The following DPYD variants were observed in gnomAD, a reference collection of about 807,000 sequenced individuals.
DPYD encodes dihydropyrimidine dehydrogenase [NADP(+)].
A neutral mutation model predicts 116.2 loss-of-function variants in DPYD; 109 were observed. That is an observed-to-expected ratio of 0.94 (90% confidence interval 0.80 to 1.10). The LOEUF is 1.10. Ranked by LOEUF, DPYD falls within the 50% of genes least tolerant of loss-of-function variation. DPYD has a pLI of 0.00. For missense variants in DPYD, 1,302 were observed against 1,254.5 expected, an observed-to-expected ratio of 1.04 and a Z score of -0.57; for synonymous variants, 440 against 432.0, an observed-to-expected ratio of 1.02 and a Z score of -0.23.
At chr1:97,388,608 C>A (rs931089031) in intron 14 of DPYD, among the ~76,000 whole-genome samples, 2 of 152,016 alleles carry the variant, frequency 1.3e-5, no homozygotes, top group Non-Finnish European at 2.9e-5. Context: ...GAGACAAAAA[C>A]CATTCGTAAC....
intron 20 of DPYD, among the ~76,000 whole-genome samples, chr1:97,171,543 A>C (rs1447937444): frequency 1.3e-5 from 2 of 152,154 alleles, no homozygotes; most frequent in Admixed American, 6.6e-5. Context: ...CCAGGACCAG[A>C]ATGCTGCCTC....
chr1:97,828,399 C>T (rs1178261940), intron 2 of DPYD, among the ~76,000 whole-genome samples: 1 of 152,102 alleles, frequency 6.6e-6, no homozygotes, highest in Non-Finnish European at 1.5e-5. Flanking sequence ...ACAGCTGTCA[C>T]AGAAGTCTCA....
chr1:97,284,759 T>A (rs1245724147), intron 18 of DPYD, among the ~76,000 whole-genome samples: 1 of 152,198 alleles, frequency 6.6e-6, no homozygotes, highest in Non-Finnish European at 1.5e-5. Flanking sequence ...TGTCATATTT[T>A]TCTACATTTT....
chr1:97,136,320 T>G (rs1472483550), intron 20 of DPYD, among the ~76,000 whole-genome samples: 1 of 152,184 alleles, frequency 6.6e-6, no homozygotes, highest in Non-Finnish European at 1.5e-5. Flanking sequence ...GTTTCTTTTT[T>G]CCATATAGTC....
chr1:97,472,424 T>A lies in DPYD; in HGVS notation c.1741-22201A>T, dbSNP rs545364894. On this transcript the variant is annotated intron_variant, in intron 13 of 22. Coordinates refer to ENST00000370192, the MANE Select transcript of DPYD (RefSeq NM_000110.4). ...TCAGAGGCAACAACCTGAGAAAGAG[T>A]CCATACATGGTTCCAATTTTTAGTA... is the stretch of plus-strand genomic sequence containing the variant. 1.1e-4 allele frequency among the ~76,000 whole-genome samples: 16 copies of A among 152,316 alleles called. 1 individual carries two copies. Among genetic ancestry groups the A allele is most frequent in the African/African-American group, 3.6e-4 (15 of 41,566 alleles).
intron 2 of DPYD, among the ~76,000 whole-genome samples, chr1:97,833,451 A>T (rs1669626453): frequency 6.6e-6 from 1 of 152,114 alleles, no homozygotes; most frequent in Non-Finnish European, 1.5e-5. Context: ...TTACTTCCAA[A>T]CCTGTCTTTG....
chr1:97,482,423 A>C (rs567671259), intron 13 of DPYD, among the ~76,000 whole-genome samples: 1 of 152,294 alleles, frequency 6.6e-6, no homozygotes, highest in South Asian at 2.1e-4. Flanking sequence ...ACATCATTAG[A>C]TTATTAAGAA....
chr1:97,332,487 G>A (rs1214048150), intron 16 of DPYD, among the ~76,000 whole-genome samples: 1 of 152,184 alleles, frequency 6.6e-6, no homozygotes, highest in Non-Finnish European at 1.5e-5. Flanking sequence ...GGAATTCTGA[G>A]TTTGAAGGCT....
intron 2 of DPYD, among the ~76,000 whole-genome samples, chr1:97,880,876 C>G (rs1478584668): frequency 6.6e-6 from 1 of 151,914 alleles, no homozygotes; most frequent in Non-Finnish European, 1.5e-5. Flanking sequence ...ATCTTAATGA[C>G]TGCACAATAT....
chr1:97,285,435 C>A lies in DPYD; in HGVS notation c.2299+19824G>T, dbSNP rs146359251. 2.1e-3 allele frequency among the ~76,000 whole-genome samples: 326 copies of A among 152,182 alleles called. 2 individuals are homozygous for A. Among genetic ancestry groups the A allele is most frequent in the African/African-American group, 7.5e-3 (310 of 41,544 alleles). On this transcript the variant is annotated intron_variant, in intron 18 of 22. Transcript: ENST00000370192. ...ATCTATTCGTAGTTTAGAAAACAAA[C>A]ACAAAAAATAAAATCTGAACCACTT...
intron 2 of DPYD, among the ~76,000 whole-genome samples, chr1:97,838,726 T>C (rs1276314672): frequency 6.6e-6 from 1 of 152,084 alleles, no homozygotes; most frequent in Non-Finnish European, 1.5e-5. Flanking sequence ...GCGCCTGTAG[T>C]CCCAGGTACT....
intron 3 of DPYD, among the ~76,000 whole-genome samples, chr1:97,751,389 T>TGTGTATATATACATATATAC (rs1238277599): frequency 1.4e-5 from 2 of 144,006 alleles, no homozygotes; most frequent in Non-Finnish European, 1.5e-5. Flanking sequence ...TACATATATG[T>TGTGTATATATACATATATAC]GTGTATATAT....
intron 2 of DPYD, among the ~76,000 whole-genome samples, chr1:97,836,893 G>C (rs147344411): frequency 6.6e-6 from 1 of 151,980 alleles, no homozygotes; most frequent in Non-Finnish European, 1.5e-5. Context: ...TTATGGAATG[G>C]TTGGTACTAG....
intron 20 of DPYD, among the ~76,000 whole-genome samples, chr1:97,100,090 G>A (rs1650555185): frequency 6.6e-6 from 1 of 152,000 alleles, no homozygotes; most frequent in African/African-American, 2.4e-5. Flanking sequence ...ATATTTAATT[G>A]TTGCAGTAAT....
At chr1:97,597,321 G>A (rs1180656829) in intron 8 of DPYD, among the ~76,000 whole-genome samples, 2 of 152,070 alleles carry the variant, frequency 1.3e-5, no homozygotes, top group Non-Finnish European at 2.9e-5. Context: ...TTCTGGCCAG[G>A]GACAGTGCAT....
At chr1:97,649,460 T>C (rs1187557850) in intron 8 of DPYD, among the ~76,000 whole-genome samples, 1 of 152,124 alleles carries the variant, frequency 6.6e-6, no homozygotes, top group East Asian at 1.9e-4. Flanking sequence ...TATGATACTA[T>C]CTGTACATGA....
At chr1:97,492,042 C>T (rs920049275) in intron 13 of DPYD, among the ~76,000 whole-genome samples, 2 of 152,044 alleles carry the variant, frequency 1.3e-5, no homozygotes, top group African/African-American at 4.8e-5. Flanking sequence ...TAATTCATTT[C>T]CACTTGTCAA....
intron 16 of DPYD, among the ~76,000 whole-genome samples, chr1:97,348,421 A>T (rs1669967042): frequency 6.6e-6 from 1 of 152,230 alleles, no homozygotes; most frequent in South Asian, 2.1e-4. Flanking sequence ...TACAAAAGAA[A>T]CAGTTAACTA....
intron 8 of DPYD, among the ~76,000 whole-genome samples, chr1:97,630,977 G>A (rs1657223268): frequency 6.6e-6 from 1 of 152,070 alleles, no homozygotes. Context: ...GTCTTGATTT[G>A]TTTCATTCCA....
Sources: gnomAD v4.1 joint callset for allele counts (sites outside exome capture counted in the v4.1 genomes callset) on GRCh38, gnomAD v4.1.1 for gene constraint, MANE v1.5 for transcripts, NCBI Gene and HGNC (gene_info 2026-07-23, HGNC 2026-07-21) for gene names.